KIF23: variants seen among roughly 807,000 people sequenced by gnomAD.
KIF23 encodes kinesin family member 23.
In KIF23, 30 loss-of-function variants were observed where a neutral mutation model predicts 137.5. That is an observed-to-expected ratio of 0.22 (90% CI 0.16 to 0.30). KIF23 has a LOEUF of 0.30. Among genes scored for constraint, KIF23 ranks in the 10% least tolerant of loss-of-function variants. KIF23 has a pLI of 1.00. For missense variants in KIF23, 920 were observed against 1,194.3 expected (o/e 0.77, Z 3.38); for synonymous variants, 367 against 391.1 (o/e 0.94, Z 0.73).
chr15:69,431,742 A>T (rs2057360733), intron 11 of KIF23, among the ~76,000 whole-genome samples: 1 of 152,242 alleles, frequency 6.6e-6, no homozygotes, highest in Admixed American at 6.5e-5. Flanking sequence ...TGGGATGGAC[A>T]GAGAAGGGTG....
At chr15:69,425,215 G>A in intron 7 of KIF23, 67 bp from the exon 8 acceptor site, 2 of 1,208,282 alleles carry the variant, frequency 1.7e-6, no homozygotes, top group South Asian at 2.6e-5. Flanking sequence ...CACATAGTCT[G>A]GACTGAACAT....
chr15:69,419,498 C>T (rs1007612442), intron 3 of KIF23, among the ~76,000 whole-genome samples: 1 of 152,144 alleles, frequency 6.6e-6, no homozygotes, highest in African/African-American at 2.4e-5. Context: ...TTAACCTGGA[C>T]TTCTCTTTTT....
intron 10 of KIF23, chr15:69,427,310 C>T (rs2057223219): frequency 2.3e-6 from 1 of 438,838 alleles, no homozygotes; most frequent in Non-Finnish European, 4.6e-6. Context: ...TCGAGGACAC[C>T]AAGGGATGAC....
intron 2 of KIF23, among the ~76,000 whole-genome samples, chr15:69,416,615 A>G (rs2056916070): frequency 6.6e-6 from 1 of 152,202 alleles, no homozygotes; most frequent in Admixed American, 6.5e-5. Flanking sequence ...GGTGCTTTGC[A>G]CACAGCTGAA....
chr15:69,426,148 A>G lies in KIF23; in HGVS notation c.855A>G (p.Lys285=). 6.2e-7 allele frequency: 1 copy of G among 1,608,888 alleles called. No homozygotes were observed. Among genetic ancestry groups the G allele is most frequent in the South Asian group, 1.1e-5 (1 of 89,834 alleles). ...YVAGCTEVEV[K]STEEAFEVFW... ...CAGGATGTACAGAAGTTGAAGTGAA[A>G]TCTACTGAGGAGGCTTTTGAAGTTT... Residue 285 remains lysine, a synonymous_variant, in exon 9 of 24, where the codon AAA becomes AAG. Transcript: ENST00000679126.
intron 20 of KIF23, 27 bp from the exon 21 acceptor site, chr15:69,445,982 A>G (rs1270034663): frequency 3.3e-6 from 5 of 1,519,636 alleles, no homozygotes; most frequent in Non-Finnish European, 4.6e-6. Context: ...ATCAATGTGT[A>G]ACAGTGACCT....
At chr15:69,419,815 A>G (rs575716262) in intron 3 of KIF23, among the ~76,000 whole-genome samples, 30 of 152,312 alleles carry the variant, frequency 2.0e-4, no homozygotes, top group Non-Finnish European at 3.5e-4. Flanking sequence ...AGGATATAAT[A>G]TAGTTAAACA....
In KIF23 at chr15:69,426,092, C is replaced by T; in HGVS notation, c.799C>T (p.Arg267Cys). 2 of 1,588,782 alleles carry T rather than the reference C, an allele frequency of 1.3e-6. No homozygotes were observed. The highest frequency in any genetic ancestry group is 1.7e-6 in the Non-Finnish European group (2 of 1,173,918). The change falls in exon 9 of 24, where the codon CGT becomes TGT. Residue 267 changes from arginine (R) to cysteine (C), a missense_variant. Coordinates refer to ENST00000679126, the MANE Select transcript of KIF23 (RefSeq NM_001367805.3). ...TAGACCTCCACAATCTAAATTGCTTCGTGAAGATAAGAACCATAACATGTA... is the reference window on the plus strand; with the variant it reads ...TAGACCTCCACAATCTAAATTGCTTTGTGAAGATAAGAACCATAACATGTA... ...DFVPPQSKLL[R>C]EDKNHNMYVA... is the part of the protein sequence containing the mutation.
chr15:69,434,776 C>G, intron 11 of KIF23: 1 of 1,122,990 alleles, frequency 8.9e-7, no homozygotes, highest in Non-Finnish European at 1.3e-6. Context: ...AAGCTCTTGG[C>G]CAGAGTCCAA....
At chr15:69,428,684 A>C (rs953619700) in intron 10 of KIF23, among the ~76,000 whole-genome samples, 4 of 128,464 alleles carry the variant, frequency 3.1e-5, no homozygotes, top group East Asian at 4.5e-4. Context: ...AAAAAAAAAA[A>C]ACAAAAGAAT....
intron 11 of KIF23, among the ~76,000 whole-genome samples, chr15:69,433,873 T>C (rs2057411546): frequency 6.6e-6 from 1 of 152,202 alleles, no homozygotes; most frequent in Non-Finnish European, 1.5e-5. Flanking sequence ...GAAATCTTCA[T>C]TAATTGTTCA....
rs1354613917 is a variant in KIF23, at chr15:69,440,774, A to G, written c.2116A>G (p.Ser706Gly). The G allele has an allele frequency of 1.3e-6, 2 of 1,589,262 alleles. No homozygotes were observed. Among genetic ancestry groups the G allele is most frequent in the Non-Finnish European group, 1.7e-6 (2 of 1,170,578 alleles). ...SVSPSPVPLS[S>G]NYIAQISNGQ... ...TTTTCTCCAATTTTTCTAGCTTTCT[A>G]GTAACTATATTGCTCAGATTTCCAA... The change falls in exon 19 of 24, where the codon AGT becomes GGT. Residue 706 changes from serine to glycine, a missense_variant. Transcript: ENST00000679126.
At position 69,440,013 on chromosome 15, in the gene KIF23, G is replaced by T. The variant is rs371611454; in HGVS notation, c.1865G>T (p.Arg622Leu). 1 of 1,613,890 alleles carries T rather than the reference G, an allele frequency of 6.2e-7. No individual in the cohort carries two copies. The highest frequency in any genetic ancestry group is 8.5e-7 in the Non-Finnish European group (1 of 1,180,008). The change falls in exon 17 of 24, where the codon CGC (arginine) becomes CTC (leucine). Residue 622 changes from arginine (R) to leucine (L), a missense_variant. Coordinates refer to ENST00000679126, the MANE Select transcript of KIF23 (RefSeq NM_001367805.3). ...CTTCAGCGACAGTTTTCTGACAAACGCAGATTAGAAGCCAGGTTGCAAGGC... is the reference window on the plus strand; with the variant it reads ...CTTCAGCGACAGTTTTCTGACAAACTCAGATTAGAAGCCAGGTTGCAAGGC... ...QKLQRQFSDK[R>L]RLEARLQGMV...
chr15:69,436,414 G>A, intron 14 of KIF23, 150 bp from the exon 15 acceptor site: 1 of 1,219,172 alleles, frequency 8.2e-7, no homozygotes, highest in Non-Finnish European at 1.1e-6. Flanking sequence ...AGCTTATTTT[G>A]CATACTATGA....
Position 69,414,366 on chromosome 15 carries a change from A to AGTTCTAGCACCGC in KIF23, c.-99_-98insTTCTAGCACCGCG. ...CCGGCTTCGCAGAGCACCGCGCCTT[A>AGTTCTAGCACCGC]GCCGCGAAGTTCTAGTTCTTGCTGC... On this transcript the variant is annotated 5_prime_UTR_variant, in exon 1 of 24. Transcript: ENST00000679126. The AGTTCTAGCACCGC allele has an allele frequency of 6.7e-7, 1 of 1,503,718 alleles. No individual in the cohort carries two copies. Among genetic ancestry groups the AGTTCTAGCACCGC allele is most frequent in the Non-Finnish European group, 9.0e-7 (1 of 1,112,444 alleles). 93.1% of individuals were successfully genotyped at this position (1,503,718 alleles called of 1,614,324 possible).
At chr15:69,430,430 C>T (rs1482151616) in intron 11 of KIF23, among the ~76,000 whole-genome samples, 1 of 152,162 alleles carries the variant, frequency 6.6e-6, no homozygotes, top group Non-Finnish European at 1.5e-5. Context: ...CATTAATTCT[C>T]TCTGCTGGAG....
intron 11 of KIF23, chr15:69,434,754 C>T (rs2057433461): frequency 9.2e-6 from 11 of 1,199,724 alleles, no homozygotes; most frequent in African/African-American, 1.5e-5. Flanking sequence ...GCTGACTGGG[C>T]AGGAGGCCAT....
At chr15:69,433,011 T>C (rs1350334582) in intron 11 of KIF23, among the ~76,000 whole-genome samples, 1 of 152,160 alleles carries the variant, frequency 6.6e-6, no homozygotes, top group Non-Finnish European at 1.5e-5. Flanking sequence ...CACCCCATCA[T>C]GTTCCCCCGG....
At chr15:69,425,825 G>C (rs748482252) in intron 8 of KIF23, 26 of 169,200 alleles carry the variant, frequency 1.5e-4, no homozygotes, top group Non-Finnish European at 2.7e-4. Context: ...TTAGAGCAAA[G>C]CTTTTAAAAC....
Sources: allele counts gnomAD v4.1 joint callset (sites outside exome capture counted in the v4.1 genomes callset), GRCh38; gene constraint gnomAD v4.1.1; transcripts MANE v1.5; gene names NCBI Gene and HGNC (gene_info 2026-07-23, HGNC 2026-07-21).